MTA3: variants seen among roughly 807,000 people sequenced by gnomAD.
The protein encoded by MTA3 is metastasis associated 1 family member 3.
In MTA3, 34 loss-of-function variants were observed where a neutral mutation model predicts 83.5. The ratio of observed to expected loss-of-function variants is 0.41; its 90% CI spans 0.31 to 0.54. The LOEUF is 0.54. MTA3 is among the 20% of genes least tolerant of loss of function. The probability of loss-of-function intolerance (pLI) is 0.33; values close to 1 mark genes in which losing one functional copy is unlikely to be tolerated. For missense variants in MTA3, 761 were observed against 726.4 expected (o/e 1.05, Z -0.55); for synonymous variants, 303 against 252.7 (o/e 1.20, Z -1.89).
At chr2:42,581,676 C>G (rs976512583) in intron 3 of MTA3, 1 of 185,792 alleles carries the variant, frequency 5.4e-6, no homozygotes, top group African/African-American at 2.4e-5. Flanking sequence ...AGGCACCACA[C>G]CCAACTAGCA....
At chr2:42,512,598 A>G (rs995958247) in intron 2 of MTA3, among the ~76,000 whole-genome samples, 8 of 152,220 alleles carry the variant, frequency 5.3e-5, no homozygotes, top group Admixed American at 2.6e-4. Flanking sequence ...TGAAAGGACA[A>G]TTAGAACAAA....
In MTA3 at chr2:42,621,703, G is replaced by A. The variant is rs1485371742; in HGVS notation, c.317+12119G>A. Among the ~76,000 whole-genome samples the A allele has an allele frequency of 1.3e-3, 179 of 139,892 alleles. 1 individual carries two copies. The highest frequency in any genetic ancestry group is 2.0e-3 in the Non-Finnish European group (128 of 63,972). 91.8% of individuals were successfully genotyped at this position (139,892 alleles called of 152,430 possible). On this transcript the variant is annotated intron_variant, in intron 4 of 16. Transcript: ENST00000405094. ...GGGGCTCCTCACTTCCCAGACGGGCGGCTGCCAGGTGGAGGGGCTCCTCAC... is the reference window on the plus strand; with the variant it reads ...GGGGCTCCTCACTTCCCAGACGGGCAGCTGCCAGGTGGAGGGGCTCCTCAC...
At chr2:42,625,513 G>A (rs995451456) in intron 4 of MTA3, among the ~76,000 whole-genome samples, 1 of 150,724 alleles carries the variant, frequency 6.6e-6, no homozygotes, top group African/African-American at 2.5e-5. Context: ...TTGGGAGGCC[G>A]AGGTGGGCGG....
upstream of MTA3, among the ~76,000 whole-genome samples, chr2:42,567,772 G>A (rs1332213732): frequency 6.6e-6 from 1 of 152,104 alleles, no homozygotes; most frequent in East Asian, 1.9e-4. Context: ...CCATCGACAT[G>A]AAACTGATTG....
intron 4 of MTA3, among the ~76,000 whole-genome samples, chr2:42,625,223 G>A (rs1001372837): frequency 6.6e-6 from 1 of 151,468 alleles, no homozygotes; most frequent in Non-Finnish European, 1.5e-5. Flanking sequence ...GTAGAGATGG[G>A]GTTTCACCAT....
chr2:42,539,198 T>C (rs1413394147), intron 2 of MTA3, among the ~76,000 whole-genome samples: 2 of 152,234 alleles, frequency 1.3e-5, no homozygotes, highest in Non-Finnish European at 2.9e-5. Context: ...GAATATTGTG[T>C]ATTAGTCCAT....
chr2:42,603,851 C>T (rs1003180484), intron 3 of MTA3, among the ~76,000 whole-genome samples: 4 of 151,972 alleles, frequency 2.6e-5, no homozygotes, highest in East Asian at 3.9e-4. Context: ...CCCGGCTTCA[C>T]GCCATTCTCC....
intron 7 of MTA3, among the ~76,000 whole-genome samples, chr2:42,657,249 A>G (rs1689255056): frequency 6.6e-6 from 1 of 152,214 alleles, no homozygotes; most frequent in South Asian, 2.1e-4. Flanking sequence ...TGCAGAGGAA[A>G]AAATAGTCTT....
intron 16 of MTA3, chr2:42,752,402 T>A: frequency 5.2e-6 from 2 of 387,170 alleles, no homozygotes; most frequent in Admixed American, 6.3e-5. Context: ...ACAACCCCAC[T>A]TCCCTCCTAG....
At chr2:42,536,879 G>GAAAAAA (rs1676269401) in intron 2 of MTA3, among the ~76,000 whole-genome samples, 1 of 117,840 alleles carries the variant, frequency 8.5e-6, no homozygotes, top group African/African-American at 3.3e-5. Flanking sequence ...AAAAAAAAAG[G>GAAAAAA]GAGTATATAG....
At chr2:42,520,560 C>T (rs1221953751) in intron 2 of MTA3, among the ~76,000 whole-genome samples, 1 of 151,950 alleles carries the variant, frequency 6.6e-6, no homozygotes, top group African/African-American at 2.4e-5. Context: ...ATCATTGGCT[C>T]TCACTCATTC....
intron 8 of MTA3, among the ~76,000 whole-genome samples, chr2:42,664,667 C>T (rs539671453): frequency 6.6e-6 from 1 of 151,748 alleles, no homozygotes; most frequent in Admixed American, 6.6e-5. Flanking sequence ...CTATTCTGAT[C>T]GCTTTAGCAC....
Position 42,723,017 on chromosome 2 carries a change from C to G in MTA3, c.1741C>G (p.His581Asp). ...LSILGKRNYS[H>D]HNGLDELTCC... ...CATTCTGGGGAAAAGAAACTACAGT[C>G]ATCACAATGGTCTGGATGGTATGTA... The change falls in exon 16 of 17, where the codon CAT becomes GAT. Residue 581 changes from histidine (H) to aspartate (D), a missense_variant. By Grantham distance (81) the His-to-Asp change is moderately conservative. Transcript: ENST00000405094. 6.4e-7 allele frequency: 1 copy of G among 1,550,826 alleles called. No individual in the cohort carries two copies. Among genetic ancestry groups the G allele is most frequent in the Non-Finnish European group, 8.7e-7 (1 of 1,147,028 alleles).
chr2:42,552,241 G>T (rs1677145414), intron 2 of MTA3, among the ~76,000 whole-genome samples: 1 of 152,194 alleles, frequency 6.6e-6, no homozygotes, highest in Non-Finnish European at 1.5e-5. Flanking sequence ...CAGTGTGGCT[G>T]AGCAGCAGTG....
intron 6 of MTA3, among the ~76,000 whole-genome samples, chr2:42,650,285 G>A (rs1453903631): frequency 6.6e-6 from 1 of 152,018 alleles, no homozygotes; most frequent in Non-Finnish European, 1.5e-5. Flanking sequence ...GGAGAGAGAG[G>A]CCAGGTATGA....
upstream of MTA3, among the ~76,000 whole-genome samples, chr2:42,565,953 G>A (rs901666174): frequency 2.6e-5 from 4 of 152,066 alleles, no homozygotes; most frequent in South Asian, 2.1e-4. Flanking sequence ...GCAGTGAGCC[G>A]AATCCGAATC....
Position 42,609,532 on chromosome 2 carries a change from AG to A in MTA3, c.268del (p.Glu90AsnfsTer25). 1 of 1,613,910 alleles carries A rather than the reference AG, an allele frequency of 6.2e-7. No homozygotes were observed. The highest frequency in any genetic ancestry group is 8.5e-7 in the Non-Finnish European group (1 of 1,179,824). On this transcript the variant is annotated frameshift_variant, in exon 4 of 17. Coordinates refer to ENST00000405094, the MANE Select transcript of MTA3 (RefSeq NM_001330442.2). LOFTEE classifies it high-confidence loss of function. ...TDKQKHQLKH[R>X]ELFLSRQYES... ...TAAGCAGAAACATCAGTTGAAACATAGGGAACTCTTTTTGTCACGCCAGTAT... is the reference window on the plus strand; with the variant it reads ...TAAGCAGAAACATCAGTTGAAACATAGGAACTCTTTTTGTCACGCCAGTAT...
chr2:42,715,462 G>A (rs948301936), intron 14 of MTA3, among the ~76,000 whole-genome samples: 1 of 142,368 alleles, frequency 7.0e-6, no homozygotes, highest in Non-Finnish European at 1.5e-5. Flanking sequence ...ACCCAGCCTG[G>A]AGTGCAGTAG....
At chr2:42,710,549 CAAAAAAAAAAAAAAA>C (rs765315082) in intron 14 of MTA3, among the ~76,000 whole-genome samples, 1 of 61,068 alleles carries the variant, frequency 1.6e-5, no homozygotes, top group Non-Finnish European at 3.0e-5. Flanking sequence ...AACTTCATCT[CAAAAAAAAAAAAAAA>C]AAAAAAAAAA....
Sources: allele counts gnomAD v4.1 joint callset (sites outside exome capture counted in the v4.1 genomes callset), GRCh38; gene constraint gnomAD v4.1.1; transcripts MANE v1.5; gene names NCBI Gene and HGNC (gene_info 2026-07-23, HGNC 2026-07-21).